MBD5: variants seen among roughly 807,000 people sequenced by gnomAD.
MBD5 encodes methyl-CpG binding domain protein 5.
In MBD5, 13 loss-of-function variants were observed where a neutral mutation model predicts 117.3. That is an observed-to-expected ratio of 0.11 (90% CI 0.07 to 0.18). The LOEUF is 0.18. Among genes scored for constraint, MBD5 ranks in the 10% least tolerant of loss-of-function variants. MBD5 has a pLI of 1.00. For synonymous variants in MBD5, 727 were observed against 766.4 expected (o/e 0.95, Z 0.85); for missense variants, 1,879 against 2,093.8 (o/e 0.90, Z 2.00).
chr2:148,134,213 CAGATAGAT>C (rs1308418845), intron 1 of MBD5, among the ~76,000 whole-genome samples: 2 of 130,200 alleles, frequency 1.5e-5, no homozygotes, highest in Non-Finnish European at 3.3e-5. Flanking sequence ...AGATAGATGA[CAGATAGAT>C]AGATAGATAG....
intron 1 of MBD5, among the ~76,000 whole-genome samples, chr2:148,092,168 G>A (rs1695961035): frequency 6.6e-6 from 1 of 152,128 alleles, no homozygotes; most frequent in Non-Finnish European, 1.5e-5. Context: ...AATAACAGAT[G>A]TTGGCATGGA....
Position 148,515,438 on chromosome 2 carries a change from A to G in MBD5, c.*2497A>G, listed in dbSNP as rs1275776261. On this transcript the variant is annotated 3_prime_UTR_variant, in exon 14 of 14. Coordinates refer to ENST00000642680, the MANE Select transcript of MBD5 (RefSeq NM_001378120.1). The stretch of plus-strand genomic sequence containing the variant: ...TTTTTTTCATCTCTCTTAGAGTTAT[A>G]TGGTTTTGTGTAAGCAGTTAATGTA... 1 of 152,114 alleles carries G rather than the reference A, an allele frequency of 6.6e-6. No homozygotes were observed. Among genetic ancestry groups the G allele is most frequent in the African/African-American group, 2.4e-5 (1 of 41,412 alleles). 9.4% of individuals were successfully genotyped at this position (152,114 alleles called of 1,614,324 possible).
intron 1 of MBD5, among the ~76,000 whole-genome samples, chr2:148,144,644 C>A (rs1229608583): frequency 6.6e-6 from 1 of 152,166 alleles, no homozygotes; most frequent in Admixed American, 6.5e-5. Context: ...AGGAAGGGAT[C>A]CAGTTTCAGC....
intron 3 of MBD5, among the ~76,000 whole-genome samples, chr2:148,323,393 T>C (rs908589260): frequency 1.1e-4 from 17 of 151,534 alleles, no homozygotes; most frequent in African/African-American, 4.1e-4. Context: ...ATGGTATTTC[T>C]AGTTCTAGAT....
intron 1 of MBD5, among the ~76,000 whole-genome samples, chr2:148,082,118 A>G (rs1167903355): frequency 6.6e-6 from 1 of 152,212 alleles, no homozygotes; most frequent in Non-Finnish European, 1.5e-5. Flanking sequence ...GCAAAACCAG[A>G]GGCATTTCTC....
chr2:148,023,797 CCCCTCA>C (rs1392651217), intron 1 of MBD5, among the ~76,000 whole-genome samples: 2 of 151,448 alleles, frequency 1.3e-5, no homozygotes, highest in Non-Finnish European at 2.9e-5. Flanking sequence ...TTTTATCACA[CCCCTCA>C]CCCTCACCCC....
intron 1 of MBD5, chr2:148,062,315 A>G (rs575673692): frequency 6.6e-6 from 1 of 152,004 alleles, no homozygotes; most frequent in Non-Finnish European, 1.5e-5. Context: ...GTAAAAAACT[A>G]CAAGGTTTCT....
intron 1 of MBD5, among the ~76,000 whole-genome samples, chr2:148,046,591 T>C (rs778032421): frequency 8.5e-5 from 13 of 152,140 alleles, no homozygotes; most frequent in Non-Finnish European, 1.8e-4. Context: ...CTTCTTTACC[T>C]CCATAGTCAG....
At chr2:148,101,534 T>G (rs1696217055) in intron 1 of MBD5, among the ~76,000 whole-genome samples, 1 of 152,194 alleles carries the variant, frequency 6.6e-6, no homozygotes, top group Non-Finnish European at 1.5e-5. Context: ...ATAAAACTAC[T>G]GCTTATGTGT....
chr2:148,425,168 T>C (rs1381761534), intron 4 of MBD5, among the ~76,000 whole-genome samples: 1 of 150,988 alleles, frequency 6.6e-6, no homozygotes, highest in African/African-American at 2.4e-5. Context: ...GAGAGAAGAA[T>C]CAACTAGACA....
intron 1 of MBD5, among the ~76,000 whole-genome samples, chr2:148,056,435 C>T (rs904065486): frequency 6.6e-6 from 1 of 151,936 alleles, no homozygotes; most frequent in East Asian, 1.9e-4. Flanking sequence ...CAGGTGTTAC[C>T]TTTAATTATT....
At chr2:148,289,149 GTTTT>G (rs944335936) in intron 3 of MBD5, among the ~76,000 whole-genome samples, 3 of 152,096 alleles carry the variant, frequency 2.0e-5, no homozygotes, top group Non-Finnish European at 4.4e-5. Flanking sequence ...GGCCAAAATA[GTTTT>G]TTTATTTGAC....
intron 1 of MBD5, among the ~76,000 whole-genome samples, chr2:148,083,680 T>G (rs1030028108): frequency 4.6e-5 from 7 of 152,128 alleles, no homozygotes; most frequent in Non-Finnish European, 1.0e-4. Context: ...CAGGCTGTAG[T>G]GCAGTCGCGC....
At chr2:148,230,580 C>T (rs1699960224) in intron 2 of MBD5, among the ~76,000 whole-genome samples, 1 of 152,084 alleles carries the variant, frequency 6.6e-6, no homozygotes, top group Non-Finnish European at 1.5e-5. Context: ...GACAAAGTTC[C>T]CTTTGCTTTT....
chr2:148,348,463 G>A (rs988958630), intron 4 of MBD5, among the ~76,000 whole-genome samples: 2 of 151,902 alleles, frequency 1.3e-5, no homozygotes, highest in African/African-American at 4.8e-5. Context: ...TTCAAATAAA[G>A]GTTTATATGC....
chr2:148,315,397 A>G (rs1559018841), intron 3 of MBD5, among the ~76,000 whole-genome samples: 1 of 152,158 alleles, frequency 6.6e-6, no homozygotes. Flanking sequence ...TCCAAAATAC[A>G]TCTGTTTGTT....
At chr2:148,211,962 T>C (rs1257549041) in intron 2 of MBD5, among the ~76,000 whole-genome samples, 1 of 152,260 alleles carries the variant, frequency 6.6e-6, no homozygotes, top group East Asian at 1.9e-4. Flanking sequence ...TTGCTCAGGC[T>C]GGTCTCAAAT....
intron 3 of MBD5, among the ~76,000 whole-genome samples, chr2:148,340,728 G>A (rs1702921697): frequency 6.6e-6 from 1 of 151,798 alleles, no homozygotes; most frequent in South Asian, 2.1e-4. Flanking sequence ...ATTGAAGTGA[G>A]GATTATTTGA....
intron 4 of MBD5, among the ~76,000 whole-genome samples, chr2:148,354,562 G>A (rs536953346): frequency 2.0e-5 from 3 of 152,306 alleles, no homozygotes; most frequent in African/African-American, 7.2e-5. Flanking sequence ...TGCGAATAGT[G>A]CTGCAATAAA....
Sources: gnomAD v4.1 joint callset for allele counts (sites outside exome capture counted in the v4.1 genomes callset) on GRCh38, gnomAD v4.1.1 for gene constraint, MANE v1.5 for transcripts, NCBI Gene and HGNC (gene_info 2026-07-23, HGNC 2026-07-21) for gene names.